Variants in PRKACB observed in about 807,000 individuals in gnomAD.
PRKACB encodes the protein cAMP-dependent protein kinase catalytic subunit beta.
In PRKACB, 16 loss-of-function variants were observed where a neutral mutation model predicts 51.4. The ratio of observed to expected loss-of-function variants is 0.31; its 90% CI spans 0.21 to 0.47. The LOEUF (loss-of-function observed/expected upper bound fraction) is 0.47, where lower values mean the gene tolerates loss of function less well. PRKACB is among the 20% of genes least tolerant of loss of function. PRKACB has a pLI of 1.00. For synonymous variants in PRKACB, 147 were observed against 154.4 expected, an observed-to-expected ratio of 0.95 and a Z score of 0.35; for missense variants, 309 against 464.5, an observed-to-expected ratio of 0.67 and a Z score of 3.08.
chr1:84,226,270 T>G (rs1407514375), intron 9 of PRKACB, among the ~76,000 whole-genome samples: 1 of 55,394 alleles, frequency 1.8e-5, no homozygotes, highest in East Asian at 3.5e-4. Context: ...TTTGTGGGTT[T>G]TTTGTTTTTT....
intron 7 of PRKACB, among the ~76,000 whole-genome samples, chr1:84,202,381 A>G (rs1472047278): frequency 1.3e-5 from 2 of 152,060 alleles, no homozygotes; most frequent in Non-Finnish European, 2.9e-5. Flanking sequence ...TTGAGCAAGA[A>G]CTAAATTATA....
rs182456936 is a variant in PRKACB at position 84,154,836 on chromosome 1, A to G, written c.187+10288A>G. Among the ~76,000 whole-genome samples the G allele has an allele frequency of 4.0e-4, 61 of 152,278 alleles. 1 individual carries two copies. The highest frequency in any genetic ancestry group is 6.9e-4 in the Non-Finnish European group (47 of 68,002). On this transcript the variant is annotated intron_variant, in intron 1 of 9. Coordinates refer to ENST00000370685, the MANE Select transcript of PRKACB (RefSeq NM_182948.4). ...GAGAAAGCATTTGAGAAACTTTAAC[A>G]TTCTTTTATGATGGAAACTTTTTAG...
intron 1 of PRKACB, chr1:84,173,237 C>A: frequency 1.2e-6 from 1 of 842,620 alleles, no homozygotes; most frequent in Non-Finnish European, 1.9e-6. Context: ...TTTCTATGTG[C>A]AGTACAGTAG....
chr1:84,190,265 T>C (rs1180421823), intron 5 of PRKACB, among the ~76,000 whole-genome samples: 1 of 151,892 alleles, frequency 6.6e-6, no homozygotes, highest in East Asian at 1.9e-4. Flanking sequence ...AGACATCTAA[T>C]AAGTATCTTA....
At chr1:84,158,901 C>G (rs1377018679) in intron 1 of PRKACB, among the ~76,000 whole-genome samples, 3 of 152,060 alleles carry the variant, frequency 2.0e-5, no homozygotes, top group African/African-American at 7.2e-5. Flanking sequence ...TTTCCTTTCT[C>G]TATTTAATTA....
intron 1 of PRKACB, chr1:84,175,809 T>G (rs1213624813): frequency 6.4e-7 from 1 of 1,570,344 alleles, no homozygotes; most frequent in South Asian, 1.2e-5. Flanking sequence ...ATTCCTTTGG[T>G]ATGCTCATTT....
intron 1 of PRKACB, chr1:84,086,091 A>G: frequency 7.2e-7 from 1 of 1,386,236 alleles, no homozygotes; most frequent in Non-Finnish European, 1.0e-6. Context: ...TATATTGATG[A>G]CCACACAGAC....
At chr1:84,150,144 G>A (rs1000898705) in intron 1 of PRKACB, among the ~76,000 whole-genome samples, 32 of 151,962 alleles carry the variant, frequency 2.1e-4, no homozygotes, top group Admixed American at 4.6e-4. Flanking sequence ...CAGGTGTGGT[G>A]GCGCACACCT....
rs555433476 is a variant in PRKACB, at chr1:84,237,315, C to A, written c.*2010C>A. 1 of 152,622 alleles carries A rather than the reference C, an allele frequency of 6.6e-6. No individual in the cohort carries two copies. The highest frequency in any genetic ancestry group is 2.4e-5 in the African/African-American group (1 of 41,538). The allele number at this position is 152,622 out of a possible 1,614,324, so 9.5% of individuals were successfully genotyped here. On this transcript the variant is annotated 3_prime_UTR_variant, in exon 10 of 10. Coordinates refer to ENST00000370685, the MANE Select transcript of PRKACB (RefSeq NM_182948.4). ...GTGTTCTATATGTAAACTACAAATT[C>A]TATGGTAGCTTTGTTGTATATTATT...
intron 5 of PRKACB, among the ~76,000 whole-genome samples, chr1:84,187,818 A>G (rs977261154): frequency 6.6e-6 from 1 of 152,162 alleles, no homozygotes; most frequent in Admixed American, 6.6e-5. Context: ...GAGGCAAGGA[A>G]GCCGAACCAA....
Position 84,164,814 on chromosome 1 carries a change from T to G in PRKACB, c.188-14363T>G, listed in dbSNP as rs1656859701. 6.5e-6 allele frequency: 9 copies of G among 1,382,100 alleles called. No individual in the cohort carries two copies. In the South Asian group the frequency reaches 1.6e-4, roughly 24 times the overall value. 85.6% of individuals were successfully genotyped at this position (1,382,100 alleles called of 1,614,324 possible). A position where few individuals can be genotyped will look rare whatever the true frequency, so the allele number is the denominator to read the frequency against. On this transcript the variant is annotated intron_variant, in intron 1 of 9. Transcript: ENST00000370685. ...GATGTTTACTAGTGATATCTCATGC[T>G]AGGCAGTTATGCTTTGCTTCTAGGG...
At chr1:84,174,266 G>A (rs114143444) in intron 1 of PRKACB, among the ~76,000 whole-genome samples, 2,077 of 151,790 alleles carry the variant, frequency 0.014, 57 homozygotes, top group African/African-American at 0.046. Flanking sequence ...ATGTAAGATC[G>A]TCTCAGCCTA....
intron 1 of PRKACB, among the ~76,000 whole-genome samples, chr1:84,126,535 T>G (rs1651630887): frequency 6.6e-6 from 1 of 152,154 alleles, no homozygotes; most frequent in African/African-American, 2.4e-5. Flanking sequence ...GCTTGGGGTT[T>G]TTATGGGTAC....
At chr1:84,178,041 C>T (rs1185207612) in intron 1 of PRKACB, among the ~76,000 whole-genome samples, 1 of 152,020 alleles carries the variant, frequency 6.6e-6, no homozygotes, top group Admixed American at 6.6e-5. Flanking sequence ...AATGTCTGCT[C>T]TTGGTGCCTG....
chr1:84,145,234 G>A (rs1164344889), intron 1 of PRKACB, among the ~76,000 whole-genome samples: 2 of 152,084 alleles, frequency 1.3e-5, no homozygotes, highest in East Asian at 3.9e-4. Context: ...AACCATTTTT[G>A]GTGCCATACA....
intron 9 of PRKACB, among the ~76,000 whole-genome samples, chr1:84,222,919 CT>C (rs1188706627): frequency 3.9e-5 from 6 of 152,080 alleles, no homozygotes; most frequent in African/African-American, 1.4e-4. Context: ...TGACTTGATG[CT>C]TTTCTCTTGC....
chr1:84,148,139 A>C (rs1380079915), intron 1 of PRKACB, among the ~76,000 whole-genome samples: 1 of 152,164 alleles, frequency 6.6e-6, no homozygotes, highest in Admixed American at 6.5e-5. Flanking sequence ...GATTCCTTTT[A>C]CAACAGTGCT....
chr1:84,079,007 TA>T (rs1647310058), intron 1 of PRKACB, among the ~76,000 whole-genome samples: 1 of 152,202 alleles, frequency 6.6e-6, no homozygotes, highest in African/African-American at 2.4e-5. Flanking sequence ...CCAATGCCTG[TA>T]AAACTTAAAG....
intron 9 of PRKACB, among the ~76,000 whole-genome samples, chr1:84,218,485 A>G (rs1357315980): frequency 6.6e-6 from 1 of 152,176 alleles, no homozygotes; most frequent in Non-Finnish European, 1.5e-5. Flanking sequence ...ACAAATGACA[A>G]GATTTCATTC....
Sources: gnomAD v4.1 joint callset for allele counts (sites outside exome capture counted in the v4.1 genomes callset) on GRCh38, gnomAD v4.1.1 for gene constraint, MANE v1.5 for transcripts, NCBI Gene and HGNC (gene_info 2026-07-23, HGNC 2026-07-21) for gene names.